ROBO2: variants seen among roughly 807,000 people sequenced by gnomAD.
The protein encoded by ROBO2 is roundabout guidance receptor 2.
Under a neutral mutation model 160.8 loss-of-function variants are expected in ROBO2, and 53 were observed. The ratio of observed to expected loss-of-function variants is 0.33; its 90% confidence interval spans 0.26 to 0.41. ROBO2 has a LOEUF of 0.41. Among genes scored for constraint, ROBO2 ranks in the 10% least tolerant of loss-of-function variants. ROBO2 has a pLI of 1.00. For missense variants in ROBO2, 1,577 were observed against 1,722.4 expected (o/e 0.92, Z 1.49); for synonymous variants, 664 against 611.7 (o/e 1.09, Z -1.26).
At chr3:76,732,935 C>A (rs1425259602) in intron 2 of ROBO2, among the ~76,000 whole-genome samples, 1 of 138,886 alleles carries the variant, frequency 7.2e-6, no homozygotes, top group East Asian at 2.1e-4. Context: ...TGTAGTCTTC[C>A]TTATGGCCCT....
At chr3:77,005,479 C>CA (rs1230152797) in intron 2 of ROBO2, among the ~76,000 whole-genome samples, 1 of 152,108 alleles carries the variant, frequency 6.6e-6, no homozygotes, top group Non-Finnish European at 1.5e-5. Context: ...AGTTCTAATG[C>CA]ACTAATTTCA....
intron 1 of ROBO2, among the ~76,000 whole-genome samples, chr3:75,934,613 C>A (rs75093085): frequency 1.3e-5 from 2 of 152,136 alleles, no homozygotes; most frequent in Middle Eastern, 3.2e-3. Flanking sequence ...GCATTTAGAT[C>A]ATACATCATA....
Position 77,098,323 on chromosome 3 carries a change from C to T in ROBO2, c.371C>T (p.Ala124Val), listed in dbSNP as rs762759644. 2.4e-5 allele frequency: 39 copies of T among 1,614,142 alleles called. No homozygotes were observed. Among genetic ancestry groups the T allele is most frequent in the Non-Finnish European group, 3.1e-5 (37 of 1,180,002 alleles). Residue 124 changes from alanine to valine, a missense_variant, in exon 2 of 26, where the codon GCG becomes GTG. Around this residue, in one of 2 missense-constraint regions of ROBO2, gnomAD observed 940 missense variants for 1,135.5 expected, o/e 0.83. Transcript: ENST00000461745. ...CTTGGTGAAGCAGTGAGTCGAAATG[C>T]GTCTCTGGAAGTGGCATGTAAGTGA...
intron 2 of ROBO2, among the ~76,000 whole-genome samples, chr3:76,958,057 C>T (rs545015699): frequency 7.9e-5 from 12 of 152,182 alleles, no homozygotes; most frequent in South Asian, 2.1e-4. Context: ...TGATTATGGG[C>T]GAAATATGGC....
intron 2 of ROBO2, among the ~76,000 whole-genome samples, chr3:75,942,701 A>G (rs986329103): frequency 1.3e-5 from 2 of 152,152 alleles, no homozygotes; most frequent in Non-Finnish European, 2.9e-5. Flanking sequence ...TAGAGATTAC[A>G]TGCATTCCCA....
intron 2 of ROBO2, among the ~76,000 whole-genome samples, chr3:77,172,286 G>A (rs1271874108): frequency 6.6e-6 from 1 of 152,196 alleles, no homozygotes; most frequent in African/African-American, 2.4e-5. Context: ...ATTGGTCACT[G>A]TAGAGATGAA....
At chr3:76,374,394 AACTT>A (rs1229241098) in intron 2 of ROBO2, among the ~76,000 whole-genome samples, 4 of 152,040 alleles carry the variant, frequency 2.6e-5, no homozygotes, top group Non-Finnish European at 5.9e-5. Flanking sequence ...GAAGGCAACT[AACTT>A]AAATGAAATC....
intron 2 of ROBO2, among the ~76,000 whole-genome samples, chr3:77,232,532 A>G (rs1393353431): frequency 6.6e-6 from 1 of 152,226 alleles, no homozygotes; most frequent in African/African-American, 2.4e-5. Context: ...AACTGTTTCT[A>G]AAAGCAGGCT....
chr3:76,454,827 T>C (rs1384460971), intron 2 of ROBO2, among the ~76,000 whole-genome samples: 1 of 152,158 alleles, frequency 6.6e-6, no homozygotes, highest in Non-Finnish European at 1.5e-5. Flanking sequence ...ATGTTATATG[T>C]ATATAAATTA....
At chr3:77,538,938 G>A (rs922788014) in intron 6 of ROBO2, 6 of 452,126 alleles carry the variant, frequency 1.3e-5, no homozygotes, top group Admixed American at 4.7e-5. Flanking sequence ...TTTTAGAGAC[G>A]GAGGCTTGCT....
intron 2 of ROBO2, among the ~76,000 whole-genome samples, chr3:75,976,525 G>A (rs2065137935): frequency 6.6e-6 from 1 of 151,444 alleles, no homozygotes; most frequent in South Asian, 2.1e-4. Flanking sequence ...GCGGAAGAGA[G>A]GAACTTCAAA....
chr3:75,984,365 A>G lies in ROBO2; in HGVS notation c.109+46763A>G, dbSNP rs534830519. On this transcript the variant is annotated intron_variant, in intron 2 of 26. Coordinates refer to the ROBO2 transcript ENST00000487694. Reference sequence around the variant, plus strand: ...CCCTTGTTTTTTAACTGTAAAAAACACAGAGTAATATTTATTCTTTGTTTG... The same window carrying G: ...CCCTTGTTTTTTAACTGTAAAAAACGCAGAGTAATATTTATTCTTTGTTTG... Among the ~76,000 whole-genome samples, 14 of 151,666 alleles carry G rather than the reference A, an allele frequency of 9.2e-5. No individual in the cohort carries two copies. The South Asian group carries it at 2.9e-3, about 31-fold the overall frequency.
intron 2 of ROBO2, among the ~76,000 whole-genome samples, chr3:76,827,898 A>T (rs2066724610): frequency 6.6e-6 from 1 of 152,154 alleles, no homozygotes; most frequent in African/African-American, 2.4e-5. Flanking sequence ...TTACATAACC[A>T]CTGAAGCAGA....
chr3:76,212,854 C>CTCTCTG (rs1703234773), intron 2 of ROBO2, among the ~76,000 whole-genome samples: 2 of 151,168 alleles, frequency 1.3e-5, no homozygotes. Context: ...CTCTCTCTCT[C>CTCTCTG]TCTCTCTCTC....
intron 2 of ROBO2, among the ~76,000 whole-genome samples, chr3:76,184,792 G>T (rs966465945): frequency 6.6e-6 from 1 of 152,088 alleles, no homozygotes; most frequent in Non-Finnish European, 1.5e-5. Context: ...GGACACTGGT[G>T]TGTAAGTTCT....
At chr3:77,328,938 T>C (rs924688470) in intron 2 of ROBO2, among the ~76,000 whole-genome samples, 6 of 152,194 alleles carry the variant, frequency 3.9e-5, no homozygotes, top group Non-Finnish European at 7.4e-5. Flanking sequence ...CTGTGATAGT[T>C]TGGCAGTAAT....
At chr3:76,914,917 T>G (rs920502004) in intron 2 of ROBO2, among the ~76,000 whole-genome samples, 1 of 152,194 alleles carries the variant, frequency 6.6e-6, no homozygotes, top group Non-Finnish European at 1.5e-5. Flanking sequence ...ATGTGTTTTG[T>G]ATATATTGTG....
At chr3:77,595,241 C>A in intron 18 of ROBO2, 57 bp downstream of exon 19, 1 of 1,306,832 alleles carries the variant, frequency 7.7e-7, no homozygotes, top group Non-Finnish European at 1.1e-6. Context: ...ACTGGGGAAA[C>A]TCTATAGTAA....
chr3:77,552,776 A>G (rs2092965914), intron 8 of ROBO2, among the ~76,000 whole-genome samples: 1 of 152,024 alleles, frequency 6.6e-6, no homozygotes, highest in Non-Finnish European at 1.5e-5. Context: ...ATATGTACAC[A>G]CATGTTATCA....
Sources: allele counts gnomAD v4.1 joint callset (sites outside exome capture counted in the v4.1 genomes callset), GRCh38; gene constraint gnomAD v4.1.1; regional missense constraint gnomAD v4.1.1; transcripts MANE v1.5; gene names NCBI Gene and HGNC (gene_info 2026-07-23, HGNC 2026-07-21).